The following ADAM7 variants were observed in gnomAD, a reference collection of about 807,000 sequenced individuals.
ADAM7 encodes the protein disintegrin and metalloproteinase domain-containing protein 7.
A neutral mutation model predicts 102.9 loss-of-function variants in ADAM7; 97 were observed. The observed-to-expected ratio is 0.94, with a 90% CI of 0.80 to 1.12. The LOEUF (loss-of-function observed/expected upper bound fraction) is 1.12. Ranked by LOEUF, ADAM7 falls within the 50% of genes most tolerant of loss-of-function variation. The pLI is 0.00. For missense variants in ADAM7, 991 were observed against 908.7 expected (o/e 1.09, Z -1.16); for synonymous variants, 334 against 304.4 (o/e 1.10, Z -1.01).
chr8:24,454,894 TAAATC>T (rs924447209), intron 3 of ADAM7, among the ~76,000 whole-genome samples: 14 of 152,194 alleles, frequency 9.2e-5, no homozygotes, highest in Admixed American at 2.0e-4. Context: ...ACAACAATGT[TAAATC>T]AGATTGTACA....
At chr8:24,467,826 A>C (rs57693330) in intron 6 of ADAM7, among the ~76,000 whole-genome samples, 1 of 152,202 alleles carries the variant, frequency 6.6e-6, no homozygotes, top group East Asian at 1.9e-4. Flanking sequence ...ACACTTTGGG[A>C]GGCTGAGGCG....
intron 6 of ADAM7, 123 bp from the exon 7 acceptor site, chr8:24,468,644 T>C (rs182057078): frequency 0.01 from 7,855 of 769,484 alleles, 61 homozygotes; most frequent in Middle Eastern, 0.028. Flanking sequence ...TTCATATGCC[T>C]CCCCATTTTG....
chr8:24,458,047 C>T (rs1819104108), intron 3 of ADAM7, among the ~76,000 whole-genome samples: 1 of 152,166 alleles, frequency 6.6e-6, no homozygotes, highest in African/African-American at 2.4e-5. Flanking sequence ...CTATCTTATT[C>T]ATCTATTTAC....
chr8:24,493,482 TTA>T (rs376093365), intron 16 of ADAM7, among the ~76,000 whole-genome samples: 65,835 of 151,872 alleles, frequency 0.43, 15,673 homozygotes, highest in African/African-American at 0.62. Context: ...AGATATCTAA[TTA>T]GACATGGATT....
Position 24,482,217 on chromosome 8 carries a change from T to C in ADAM7, c.781T>C (p.Tyr261His). The C allele has an allele frequency of 1.2e-6, 2 of 1,609,308 alleles. No individual in the cohort carries two copies. The highest frequency in any genetic ancestry group is 1.1e-5 in the South Asian group (1 of 89,484). Residue 261 changes from tyrosine to histidine, a missense_variant, in exon 9 of 22, where the codon TAT becomes CAT. Physicochemically the swap from Tyr to His is moderately conservative, Grantham distance 83 (BLOSUM62 2). Transcript: ENST00000175238. ...IWTHEDKIEL[Y>H]SNIETTLLRF... ...GACACATGAAGATAAAATAGAACTA[T>C]ATTCAAATATAGAAACTACCTTATT...
intron 20 of ADAM7, among the ~76,000 whole-genome samples, chr8:24,502,736 C>A (rs1015568269): frequency 6.6e-6 from 1 of 152,038 alleles, no homozygotes. Context: ...AAAAACCTTT[C>A]CACAAACAAA....
intron 3 of ADAM7, among the ~76,000 whole-genome samples, chr8:24,457,119 T>G (rs1433469879): frequency 6.6e-6 from 1 of 152,240 alleles, no homozygotes; most frequent in Non-Finnish European, 1.5e-5. Flanking sequence ...CATTTTATAC[T>G]GTCACTTTAA....
intron 20 of ADAM7, chr8:24,505,977 G>A: frequency 3.9e-6 from 3 of 777,286 alleles, no homozygotes; most frequent in East Asian, 2.7e-5. Context: ...GACAGGCCCT[G>A]AGATAGACTC....
chr8:24,459,018 ATT>A (rs1700865408), intron 3 of ADAM7, among the ~76,000 whole-genome samples: 1 of 151,924 alleles, frequency 6.6e-6, no homozygotes, highest in Non-Finnish European at 1.5e-5. Context: ...GATTTGTCAA[ATT>A]TTGATGATAG....
chr8:24,489,917 T>C (rs1400464125), intron 12 of ADAM7, among the ~76,000 whole-genome samples: 1 of 152,214 alleles, frequency 6.6e-6, no homozygotes, highest in Non-Finnish European at 1.5e-5. Flanking sequence ...AGATATGTCT[T>C]CTAGACAACT....
chr8:24,466,680 T>A (rs1819436487), intron 5 of ADAM7, 119 bp from the exon 6 acceptor site: 1 of 831,404 alleles, frequency 1.2e-6, no homozygotes, highest in Non-Finnish European at 1.9e-6. Context: ...GAAAGCACTC[T>A]CCTACCTGTT....
Position 24,509,335 on chromosome 8 carries a change from C to T in ADAM7, c.*789C>T, listed in dbSNP as rs1188657745. On this transcript the variant is annotated 3_prime_UTR_variant, in exon 22 of 22. Coordinates refer to ENST00000175238, the MANE Select transcript of ADAM7 (RefSeq NM_003817.4). ...TGTGCCATTTCTGTGCTGTCTCTGC[C>T]CTCTCCCTATCCGTTTGTTATGGGA... 1 of 985,236 alleles carries T rather than the reference C, an allele frequency of 1.0e-6. No homozygotes were observed. Among genetic ancestry groups the T allele is most frequent in the Non-Finnish European group, 1.2e-6 (1 of 829,948 alleles). 61.0% of individuals were successfully genotyped at this position (985,236 alleles called of 1,614,324 possible).
intron 10 of ADAM7, among the ~76,000 whole-genome samples, chr8:24,486,382 T>G (rs1820145257): frequency 6.6e-6 from 1 of 152,246 alleles, no homozygotes; most frequent in Admixed American, 6.5e-5. Context: ...TAATAGAAAC[T>G]TCGTCTTTAA....
At chr8:24,461,787 A>ATT (rs1819251331) in intron 3 of ADAM7, among the ~76,000 whole-genome samples, 1 of 2,966 alleles carries the variant, frequency 3.4e-4, no homozygotes, top group South Asian at 0.029. Flanking sequence ...ATCAAGTAAA[A>ATT]CTTATCTAGG....
In ADAM7 at chr8:24,477,584, G is replaced by A. The variant is rs143395799; in HGVS notation, c.705+1080G>A. Among the ~76,000 whole-genome samples the A allele has an allele frequency of 2.4e-4, 37 of 152,114 alleles. 1 individual carries two copies. The East Asian group carries it at 7.1e-3, about 29-fold the overall frequency. On this transcript the variant is annotated intron_variant, in intron 8 of 21. Transcript: ENST00000175238. ...TACCCTCATCAGTGTGTGTGTGTGT[G>A]TGTGTGTGTGGTATTTACAGTGTTG...
rs754100215 is a variant in ADAM7, at chr8:24,499,235, G to A, written c.1843-1G>A. 4 of 1,575,966 alleles carry A rather than the reference G, an allele frequency of 2.5e-6. No individual in the cohort carries two copies. Among genetic ancestry groups the A allele is most frequent in the Non-Finnish European group, 3.4e-6 (4 of 1,163,114 alleles). Reference sequence around the variant, plus strand: ...TTCATGCTTGGTTACTTCATTTCTAGGTGTGCAACAATGGTGAATGTCTAA... The same window carrying A: ...TTCATGCTTGGTTACTTCATTTCTAAGTGTGCAACAATGGTGAATGTCTAA... On this transcript the variant is annotated splice_acceptor_variant, in intron 16 of 21. Transcript: ENST00000175238. LOFTEE classifies it high-confidence loss of function.
chr8:24,441,117 CG>C lies in ADAM7; in HGVS notation c.12del (p.Cys5ValfsTer4), dbSNP rs764905980. ...TACCAGAATCACTCAGAATGCTTCCCGGGTGTATATTCTTGATGATTTTACT... is the reference window on the plus strand; with the variant it reads ...TACCAGAATCACTCAGAATGCTTCCCGGTGTATATTCTTGATGATTTTACT... MLPGCIFLMILLIP... is the reference protein window; with the variant it reads MLPXCIFLMILLIP... On this transcript the variant is annotated frameshift_variant, in exon 1 of 22. Coordinates refer to ENST00000175238, the MANE Select transcript of ADAM7 (RefSeq NM_003817.4). LOFTEE classifies it high-confidence loss of function. 50 of 1,613,690 alleles carry C rather than the reference CG, an allele frequency of 3.1e-5. No homozygotes were observed. In the Middle Eastern group the frequency reaches 1.8e-3, roughly 59 times the overall value.
At chr8:24,503,247 T>C (rs776277616) in intron 20 of ADAM7, among the ~76,000 whole-genome samples, 5 of 152,008 alleles carry the variant, frequency 3.3e-5, no homozygotes, top group African/African-American at 9.7e-5. Context: ...AAGAAAAATG[T>C]TGAAAATCCT....
intron 2 of ADAM7, among the ~76,000 whole-genome samples, chr8:24,445,931 T>A (rs534485531): frequency 6.6e-6 from 1 of 152,322 alleles, no homozygotes; most frequent in South Asian, 2.1e-4. Flanking sequence ...GTAATATCCC[T>A]GGCACAGTCC....
Sources: gnomAD v4.1 joint callset for allele counts (sites outside exome capture counted in the v4.1 genomes callset) on GRCh38, gnomAD v4.1.1 for gene constraint, MANE v1.5 for transcripts, NCBI Gene and HGNC (gene_info 2026-07-23, HGNC 2026-07-21) for gene names.